KIF1B: variants seen among roughly 807,000 people sequenced by gnomAD.
KIF1B encodes the protein kinesin-like protein KIF1B.
Under a neutral mutation model 241.9 loss-of-function variants are expected in KIF1B, and 76 were observed. That is an observed-to-expected ratio of 0.31 (90% CI 0.26 to 0.38). The LOEUF (loss-of-function observed/expected upper bound fraction) is 0.38, where lower values mean the gene tolerates loss of function less well. Ranked by LOEUF, KIF1B falls within the 10% of genes least tolerant of loss-of-function variation. KIF1B has a pLI of 1.00. For synonymous variants in KIF1B, 750 were observed against 796.7 expected (o/e 0.94, Z 0.99); for missense variants, 1,622 against 2,271.4 (o/e 0.71, Z 5.81).
Position 10,232,400 on chromosome 1 carries a change from C to T in KIF1B, c.72C>T (p.Ser24=), listed in dbSNP as rs1427632250. Residue 24 remains serine (S), a synonymous_variant, in exon 2 of 49, where the codon TCC becomes TCT. Transcript: ENST00000676179. The part of the protein sequence containing the change: ...PFNSRETSKE[S]KCIIQMQGNS... ...ATTCTCGAGAGACCAGCAAGGAATC[C>T]AAATGCATCATTCAGATGCAAGGCA... The T allele has an allele frequency of 1.9e-6, 3 of 1,613,976 alleles. No individual in the cohort carries two copies. The highest frequency in any genetic ancestry group is 1.3e-5 in the African/African-American group (1 of 75,034).
At chr1:10,339,188 A>G (rs1245689653) in intron 31 of KIF1B, among the ~76,000 whole-genome samples, 1 of 152,184 alleles carries the variant, frequency 6.6e-6, no homozygotes, top group Non-Finnish European at 1.5e-5. Flanking sequence ...CTGTGTGTCG[A>G]GACCTGTGGG....
At position 10,303,994 on chromosome 1, in the gene KIF1B, A is replaced by G; in HGVS notation, c.2115+6748A>G. 2 of 1,610,120 alleles carry G rather than the reference A, an allele frequency of 1.2e-6. No homozygotes were observed. The highest frequency in any genetic ancestry group is 1.7e-6 in the Non-Finnish European group (2 of 1,177,846). ...GTTTAAGAACTTGCAACAGCAGGAG[A>G]TAACAAAGCAGCTTCGTCGGCAGAA... On this transcript the variant is annotated intron_variant, in intron 22 of 48. Transcript: ENST00000676179. This position sits in a 1 kb window ranked among gnomAD's most constrained non-coding sequence, Gnocchi z 5.2.
chr1:10,212,340 C>T (rs1646704062), intron 1 of KIF1B, among the ~76,000 whole-genome samples: 1 of 152,136 alleles, frequency 6.6e-6, no homozygotes, highest in African/African-American at 2.4e-5. Context: ...GATTATAGAG[C>T]AAGTGTTGTT....
intron 41 of KIF1B, among the ~76,000 whole-genome samples, chr1:10,363,799 C>T (rs1307557481): frequency 6.6e-6 from 1 of 152,206 alleles, no homozygotes; most frequent in Non-Finnish European, 1.5e-5. Flanking sequence ...CGGAGTTAAG[C>T]AGCACTTAGC....
At chr1:10,267,176 G>A (rs1403261225) in intron 5 of KIF1B, among the ~76,000 whole-genome samples, 8 of 151,864 alleles carry the variant, frequency 5.3e-5, no homozygotes, top group South Asian at 2.1e-4. Context: ...GTGCCACCAC[G>A]CCTGGCTCCT....
chr1:10,374,553 T>C lies in KIF1B; in HGVS notation c.5096+88T>C. On this transcript the variant is annotated intron_variant, in intron 46 of 48. Transcript: ENST00000676179. This position sits in a 1 kb window ranked among gnomAD's most constrained non-coding sequence, Gnocchi z 4.3. ...GGCCAGCTCTTCCCTGTGAGGTCTG[T>C]ACTGTAGTCTGATGCAATCTGTACT... is the stretch of plus-strand genomic sequence containing the variant. 2.8e-6 allele frequency: 4 copies of C among 1,428,978 alleles called. No homozygotes were observed. The highest frequency in any genetic ancestry group is 3.9e-6 in the Non-Finnish European group (4 of 1,016,476). The allele number at this position is 1,428,978 out of a possible 1,614,324, so 88.5% of individuals were successfully genotyped here. A position where few individuals can be genotyped will look rare whatever the true frequency, so the allele number is the denominator to read the frequency against.
At chr1:10,212,116 A>G (rs534422944) in intron 1 of KIF1B, among the ~76,000 whole-genome samples, 133 of 152,288 alleles carry the variant, frequency 8.7e-4, no homozygotes, top group African/African-American at 2.8e-3. Flanking sequence ...TTCTGCCACC[A>G]TTGAACATTC....
At chr1:10,261,014 T>C (rs1192340578) in intron 4 of KIF1B, among the ~76,000 whole-genome samples, 1 of 151,984 alleles carries the variant, frequency 6.6e-6, no homozygotes, top group African/African-American at 2.4e-5. Flanking sequence ...TCACCCAGGC[T>C]GGAGTACAGT....
At chr1:10,253,284 G>A (rs1341367432) in intron 2 of KIF1B, among the ~76,000 whole-genome samples, 1 of 152,110 alleles carries the variant, frequency 6.6e-6, no homozygotes, top group Non-Finnish European at 1.5e-5. Context: ...CTCTGTGATG[G>A]TTTATCTATC....
chr1:10,217,343 C>CTT (rs769372780), intron 1 of KIF1B, among the ~76,000 whole-genome samples: 6,740 of 131,932 alleles, frequency 0.051, 442 homozygotes, highest in East Asian at 0.25. Flanking sequence ...CTTTCTTTTT[C>CTT]TTTTTTTTTT....
At chr1:10,291,304 AT>A in intron 16 of KIF1B, 143 bp downstream of exon 16, 1 of 638,932 alleles carries the variant, frequency 1.6e-6, no homozygotes, top group Non-Finnish European at 2.8e-6. Context: ...ATGGACAGGG[AT>A]TTATGGCCAG....
intron 23 of KIF1B, among the ~76,000 whole-genome samples, chr1:10,320,626 T>A (rs1651482890): frequency 6.6e-6 from 1 of 152,260 alleles, no homozygotes; most frequent in South Asian, 2.1e-4. Context: ...TATGAACACT[T>A]ACCACAATTC....
In KIF1B at chr1:10,381,208, CTT is replaced by C. The variant is rs1244020467; in HGVS notation, c.*4623_*4624del. On this transcript the variant is annotated 3_prime_UTR_variant, in exon 49 of 49. Transcript: ENST00000676179. ...CTTGTATTTAAGGCATCGTCTTAGA[CTT>C]TGTGGCTCTAAAGTACCTGTCTGTT... 4.5e-6 allele frequency: 1 copy of C among 220,704 alleles called. No homozygotes were observed. Among genetic ancestry groups the C allele is most frequent in the Non-Finnish European group, 9.1e-6 (1 of 110,062 alleles). 13.7% of individuals were successfully genotyped at this position (220,704 alleles called of 1,614,324 possible). A position where few individuals can be genotyped will look rare whatever the true frequency, so the allele number is the denominator to read the frequency against.
rs766138261 is a variant in KIF1B, at chr1:10,303,241, G to C, written c.2115+5995G>C. On this transcript the variant is annotated intron_variant, in intron 22 of 48. Transcript: ENST00000676179. This position sits in a 1 kb window ranked among gnomAD's most constrained non-coding sequence, Gnocchi z 5.2. Reference sequence around the variant, plus strand: ...CTGGAAACTGATTACTTCTCTGAGAGAAAAGCTACCTCCCAGCAAGTTGCA... The same window carrying C: ...CTGGAAACTGATTACTTCTCTGAGACAAAAGCTACCTCCCAGCAAGTTGCA... 9 of 1,614,148 alleles carry C rather than the reference G, an allele frequency of 5.6e-6. No individual in the cohort carries two copies. Among genetic ancestry groups the C allele is most frequent in the Non-Finnish European group, 7.6e-6 (9 of 1,180,020 alleles).
intron 38 of KIF1B, among the ~76,000 whole-genome samples, chr1:10,360,432 C>G (rs1347215180): frequency 6.6e-6 from 1 of 152,078 alleles, no homozygotes; most frequent in African/African-American, 2.4e-5. Context: ...CGCCTGTAAT[C>G]CCAGCACTTT....
Position 10,337,166 on chromosome 1 carries a change from C to T in KIF1B, c.3222C>T (p.Ile1074=). 1 of 1,614,140 alleles carries T rather than the reference C, an allele frequency of 6.2e-7. No homozygotes were observed. Among genetic ancestry groups the T allele is most frequent in the Non-Finnish European group, 8.5e-7 (1 of 1,180,020 alleles). ...GACAGGGTCAGAGTTCTGAGGTCAT[C>T]ACTCCTCCAGAAGAAATCAGTCGAA... ...VEGQGQSSEV[I]TPPEEISRIN... The change falls in exon 30 of 49, where the codon ATC becomes ATT. Residue 1074 remains isoleucine, a synonymous_variant. Coordinates refer to ENST00000676179, the MANE Select transcript of KIF1B (RefSeq NM_001365951.3). The surrounding 1 kb of genome is among the most constrained non-coding windows in gnomAD (Gnocchi z 4.0).
At chr1:10,371,459 T>TA (rs1470861874) in intron 45 of KIF1B, among the ~76,000 whole-genome samples, 197 bp downstream of exon 45, 1 of 152,198 alleles carries the variant, frequency 6.6e-6, no homozygotes, top group Non-Finnish European at 1.5e-5. Flanking sequence ...CATAGCTTAC[T>TA]AACCTTCTGC....
chr1:10,219,277 A>G (rs1571085093), intron 1 of KIF1B, among the ~76,000 whole-genome samples: 1 of 151,742 alleles, frequency 6.6e-6, no homozygotes, highest in Non-Finnish European at 1.5e-5. Flanking sequence ...CCTAACCAAC[A>G]TGGAGAAACC....
intron 10 of KIF1B, among the ~76,000 whole-genome samples, chr1:10,274,405 A>T (rs939557218): frequency 6.6e-6 from 1 of 152,176 alleles, no homozygotes; most frequent in Non-Finnish European, 1.5e-5. Flanking sequence ...TCCTGTGGTA[A>T]TAAGAAGGAT....
Sources: gnomAD v4.1 joint callset for allele counts (sites outside exome capture counted in the v4.1 genomes callset) on GRCh38, gnomAD v4.1.1 for gene constraint, Gnocchi (gnomAD v3.1) non-coding constraint, MANE v1.5 for transcripts, NCBI Gene and HGNC (gene_info 2026-07-23, HGNC 2026-07-21) for gene names.